The following SAMMSON variants were observed in gnomAD, a reference collection of about 807,000 sequenced individuals.
SAMMSON encodes survival associated mitochondrial melanoma specific oncogenic non-coding RNA, also known as long intergenic non-protein coding RNA 1212.
chr3:70,350,457 A>G (rs1023274630), intron 7 of SAMMSON, among the ~76,000 whole-genome samples: 3 of 152,066 alleles, frequency 2.0e-5, no homozygotes, highest in East Asian at 1.9e-4. Context: ...TTGTTTCTTG[A>G]TATGTATTTA....
intron 4 of SAMMSON, among the ~76,000 whole-genome samples, chr3:70,131,868 A>G (rs2067484356): frequency 6.6e-6 from 1 of 152,104 alleles, no homozygotes; most frequent in Non-Finnish European, 1.5e-5. Context: ...GTGAGACACT[A>G]TGCGTGGTCA....
intron 9 of SAMMSON, among the ~76,000 whole-genome samples, chr3:70,381,810 C>T (rs1703071138): frequency 2.0e-5 from 3 of 151,858 alleles, no homozygotes; most frequent in Admixed American, 2.0e-4. Flanking sequence ...GAGAAAAGAA[C>T]AGACAGGAAA....
At chr3:70,182,602 CTCAA>C (rs1701062360) in intron 4 of SAMMSON, among the ~76,000 whole-genome samples, 1 of 152,096 alleles carries the variant, frequency 6.6e-6, no homozygotes, top group South Asian at 2.1e-4. Flanking sequence ...GAAATTTTAC[CTCAA>C]TCTCAATGAT....
At chr3:70,044,922 TAATTA>T (rs1375692017) in intron 3 of SAMMSON, among the ~76,000 whole-genome samples, 4 of 143,808 alleles carry the variant, frequency 2.8e-5, no homozygotes, top group Non-Finnish European at 6.0e-5. Flanking sequence ...TAAAATACTT[TAATTA>T]AAGTATTACA....
intron 4 of SAMMSON, among the ~76,000 whole-genome samples, chr3:70,203,607 A>G (rs1261072218): frequency 6.6e-6 from 1 of 152,160 alleles, no homozygotes; most frequent in Non-Finnish European, 1.5e-5. Flanking sequence ...AAATTGAAAC[A>G]TTTTATAAGG....
rs79284682 is a variant in SAMMSON at position 70,139,767 on chromosome 3, A to G, written n.507+68202A>G. On this transcript the variant is annotated intron_variant and non_coding_transcript_variant, in intron 4 of 9. Coordinates refer to ENST00000642114, the Ensembl canonical transcript of SAMMSON. ...TTAAGTATAGCCTTGATGTTCTCCA[A>G]AATGTCTTTGGGGTCATTCTTCCAT... Among the ~76,000 whole-genome samples the G allele has an allele frequency of 9.6e-3, 1,467 of 152,190 alleles. 16 individuals are homozygous for G. Among genetic ancestry groups the G allele is most frequent in the African/African-American group, 0.033 (1,359 of 41,516 alleles).
chr3:70,333,182 T>A (rs1183976216), intron 7 of SAMMSON, among the ~76,000 whole-genome samples: 1 of 152,092 alleles, frequency 6.6e-6, no homozygotes, highest in East Asian at 1.9e-4. Flanking sequence ...CACTCGTTCT[T>A]CCTTGTGGAC....
In SAMMSON at chr3:70,221,285, C is replaced by T. The variant is rs547723191; in HGVS notation, n.508-27822C>T. 2.6e-5 allele frequency among the ~76,000 whole-genome samples: 4 copies of T among 152,180 alleles called. No individual in the cohort carries two copies. The South Asian group carries it at 6.2e-4, about 24-fold the overall frequency. ...TCACTTCACACTATGAGAAGCTTTG[C>T]CTAAGTGCTTTAAATGAATTCTCAT... is the stretch of plus-strand genomic sequence containing the variant. On this transcript the variant is annotated intron_variant and non_coding_transcript_variant, in intron 4 of 9. Coordinates refer to ENST00000642114, the Ensembl canonical transcript of SAMMSON.
chr3:70,126,494 G>A, intron 4 of SAMMSON: 1 of 635,728 alleles, frequency 1.6e-6, no homozygotes, highest in Non-Finnish European at 2.9e-6. Context: ...TTTCTCCTCA[G>A]CGGTCAGCTC....
chr3:70,171,626 G>C (rs1387818751), intron 4 of SAMMSON, among the ~76,000 whole-genome samples: 1 of 151,026 alleles, frequency 6.6e-6, no homozygotes, highest in African/African-American at 2.4e-5. Flanking sequence ...GGGGGGGGGA[G>C]CTTGACTCCC....
At chr3:70,383,838 C>T (rs144734493) in intron 9 of SAMMSON, among the ~76,000 whole-genome samples, 11 of 152,108 alleles carry the variant, frequency 7.2e-5, no homozygotes, top group Admixed American at 3.3e-4. Flanking sequence ...CAAGTTACAA[C>T]GAGCCTATAA....
chr3:70,101,651 A>C (rs1487932349), intron 4 of SAMMSON, among the ~76,000 whole-genome samples: 3 of 152,140 alleles, frequency 2.0e-5, no homozygotes, highest in Non-Finnish European at 4.4e-5. Flanking sequence ...ATGCTAATGT[A>C]TTTAAAATAC....
chr3:70,192,447 C>T (rs1701137895), intron 4 of SAMMSON, among the ~76,000 whole-genome samples: 1 of 152,252 alleles, frequency 6.6e-6, no homozygotes, highest in South Asian at 2.1e-4. Flanking sequence ...AAGCGGCAGA[C>T]AGGAAGGAAA....
intron 4 of SAMMSON, among the ~76,000 whole-genome samples, chr3:70,187,035 G>A (rs1701096896): frequency 6.6e-6 from 1 of 152,176 alleles, no homozygotes; most frequent in African/African-American, 2.4e-5. Context: ...GGTCTGTCAT[G>A]GGCCTTTCGT....
chr3:70,399,243 AC>A (rs1168288613), intron 2 of SAMMSON, among the ~76,000 whole-genome samples: 1 of 152,188 alleles, frequency 6.6e-6, no homozygotes, highest in Non-Finnish European at 1.5e-5. Flanking sequence ...AATAGGACAC[AC>A]TAGTGGGCAA....
intron 4 of SAMMSON, among the ~76,000 whole-genome samples, chr3:70,198,893 G>A (rs970815289): frequency 6.6e-6 from 1 of 152,146 alleles, no homozygotes; most frequent in Non-Finnish European, 1.5e-5. Flanking sequence ...GAGTAAGTTA[G>A]TAATAGTATA....
At chr3:70,429,397 CA>C (rs1559587883) in intron 2 of SAMMSON, among the ~76,000 whole-genome samples, 1 of 152,108 alleles carries the variant, frequency 6.6e-6, no homozygotes, top group African/African-American at 2.4e-5. Context: ...AGTCAGGTAG[CA>C]TGATGCCTCC....
At chr3:70,187,533 G>C (rs903852398) in intron 4 of SAMMSON, among the ~76,000 whole-genome samples, 3 of 148,546 alleles carry the variant, frequency 2.0e-5, no homozygotes, top group Non-Finnish European at 4.4e-5. Flanking sequence ...CGCCTCCCGG[G>C]TTCACGCCAT....
intron 7 of SAMMSON, among the ~76,000 whole-genome samples, chr3:70,334,932 G>A (rs1298538349): frequency 6.6e-6 from 1 of 151,826 alleles, no homozygotes; most frequent in Non-Finnish European, 1.5e-5. Context: ...CCTTCCTTGT[G>A]ACTTTTTTAT....
Sources: gnomAD v4.1 joint callset for allele counts (sites outside exome capture counted in the v4.1 genomes callset) on GRCh38, gnomAD v4.1.1 for gene constraint, MANE v1.5 for transcripts, NCBI Gene and HGNC (gene_info 2026-07-23, HGNC 2026-07-21) for gene names.